EPHA6: variants seen among roughly 807,000 people sequenced by gnomAD.
EPHA6 encodes the protein EPH receptor A6.
EPHA6 carries 50 observed loss-of-function variants against 112.0 expected under a neutral mutation model. That is an observed-to-expected ratio of 0.45 (90% CI 0.36 to 0.56). The LOEUF (loss-of-function observed/expected upper bound fraction) is 0.56, where lower values mean the gene tolerates loss of function less well. Ranked by LOEUF, EPHA6 falls within the 20% of genes least tolerant of loss-of-function variation. The pLI, the probability that EPHA6 is intolerant of heterozygous loss-of-function variation, is 0.00. For missense variants in EPHA6, 1,280 were observed against 1,417.4 expected (o/e 0.90, Z 1.56); for synonymous variants, 529 against 490.7 (o/e 1.08, Z -1.03).
intron 2 of EPHA6, among the ~76,000 whole-genome samples, chr3:96,929,709 C>T (rs764599906): frequency 9.9e-5 from 15 of 151,964 alleles, no homozygotes; most frequent in Non-Finnish European, 1.8e-4. Flanking sequence ...GTGTTGGGGT[C>T]GATCTTCTTG....
intron 3 of EPHA6, among the ~76,000 whole-genome samples, chr3:97,105,278 C>T (rs1449881951): frequency 2.0e-5 from 3 of 151,934 alleles, no homozygotes; most frequent in Admixed American, 6.6e-5. Context: ...TTGCTATAAA[C>T]GTCCCTCTTA....
At position 97,483,991 on chromosome 3, in the gene EPHA6, T is replaced by G. The variant is rs2091633699; in HGVS notation, c.2132T>G (p.Leu711Arg). 1 of 1,611,140 alleles carries G rather than the reference T, an allele frequency of 6.2e-7. No homozygotes were observed. The highest frequency in any genetic ancestry group is 2.2e-5 in the East Asian group (1 of 44,774). The change falls in exon 10 of 18, where the codon CTA becomes CGA. Residue 711 changes from leucine to arginine, a missense_variant. Coordinates refer to ENST00000389672, the MANE Select transcript of EPHA6 (RefSeq NM_001080448.3). ...CCAGATACATATGAAGACCCATCCC[T>G]AGCAGTCCATGAATTTGCAAAGGAG... ...IDPDTYEDPS[L>R]AVHEFAKEID...
At chr3:97,343,653 C>A (rs2083412479) in intron 5 of EPHA6, among the ~76,000 whole-genome samples, 1 of 152,122 alleles carries the variant, frequency 6.6e-6, no homozygotes, top group South Asian at 2.1e-4. Context: ...ACCAGAAAAA[C>A]TACCAGATGG....
chr3:97,243,973 A>C lies in EPHA6; in HGVS notation c.1292A>C (p.Asn431Thr). ...ACTRPPSAPR[N>T]VVFNINETAL... ...CTAGGGCCACCTTCAGCTCCTAGGA[A>C]TGTGGTTTTTAACATCAATGAAACA... Residue 431 changes from asparagine to threonine, a missense_variant, in exon 5 of 18, where the codon AAT becomes ACT. By Grantham distance (65) the Asn-to-Thr change is moderately conservative (BLOSUM62 0). Transcript: ENST00000389672. The C allele has an allele frequency of 6.2e-7, 1 of 1,609,906 alleles. No individual in the cohort carries two copies. The highest frequency in any genetic ancestry group is 1.3e-5 in the African/African-American group (1 of 74,890).
chr3:97,227,377 C>T (rs1468753129), intron 4 of EPHA6, among the ~76,000 whole-genome samples: 3 of 152,136 alleles, frequency 2.0e-5, no homozygotes, highest in Non-Finnish European at 2.9e-5. Flanking sequence ...TACACCCCCA[C>T]GCCCAGCTAA....
At position 97,138,298 on chromosome 3, in the gene EPHA6, G is replaced by A. The variant is rs115790395; in HGVS notation, c.1115-87966G>A. Among the ~76,000 whole-genome samples, 620 of 152,230 alleles carry A rather than the reference G, an allele frequency of 4.1e-3. 5 individuals carry two copies. Among genetic ancestry groups the A allele is most frequent in the African/African-American group, 0.014 (596 of 41,542 alleles). ...GCAACTGCAGCAAAGCACAGTTCTG[G>A]GAGCCCATCCCCCAAGGCTCTGCAT... On this transcript the variant is annotated intron_variant, in intron 3 of 17. Transcript: ENST00000389672.
chr3:97,755,100 T>C lies in EPHA6; in HGVS notation c.*6399T>C, dbSNP rs1369659654. On this transcript the variant is annotated 3_prime_UTR_variant, in exon 18 of 18. Transcript: ENST00000389672. ...AATCTCTACATCATTAAGAGAACTT[T>C]TGATTTGTTTCATTATAGAGAAAGT... 6.6e-6 allele frequency among the ~76,000 whole-genome samples: 1 copy of C among 152,234 alleles called. No homozygotes were observed. The highest frequency in any genetic ancestry group is 1.5e-5 in the Non-Finnish European group (1 of 68,042).
Position 97,752,488 on chromosome 3 carries a change from C to A in EPHA6, c.*3787C>A, listed in dbSNP as rs1576404492. 2 of 218,752 alleles carry A rather than the reference C, an allele frequency of 9.1e-6. No homozygotes were observed. Among genetic ancestry groups the A allele is most frequent in the East Asian group, 1.3e-4 (2 of 15,150 alleles). The allele number at this position is 218,752 out of a possible 1,614,324, so 13.6% of individuals were successfully genotyped here. Reference sequence around the variant, plus strand: ...CAGCCCTGTTTTTAATTCCCCCATCCTCTCTCTTTATTCCTTTCTCAGCTT... The same window carrying A: ...CAGCCCTGTTTTTAATTCCCCCATCATCTCTCTTTATTCCTTTCTCAGCTT... On this transcript the variant is annotated 3_prime_UTR_variant, in exon 18 of 18. Coordinates refer to ENST00000389672, the MANE Select transcript of EPHA6 (RefSeq NM_001080448.3).
intron 5 of EPHA6, among the ~76,000 whole-genome samples, chr3:97,350,656 GT>G (rs1646242843): frequency 6.6e-6 from 1 of 152,050 alleles, no homozygotes; most frequent in Admixed American, 6.5e-5. Context: ...GCCTAATCAA[GT>G]GGGACAGTGT....
chr3:97,086,584 T>C (rs2046907796), intron 3 of EPHA6, among the ~76,000 whole-genome samples: 2 of 152,098 alleles, frequency 1.3e-5, no homozygotes, highest in Non-Finnish European at 2.9e-5. Context: ...CAATGAAATA[T>C]AAATATAAAT....
intron 3 of EPHA6, among the ~76,000 whole-genome samples, chr3:97,000,213 T>A (rs954970017): frequency 1.3e-5 from 2 of 151,390 alleles, no homozygotes; most frequent in African/African-American, 2.4e-5. Flanking sequence ...TGTCACTTAT[T>A]TTAGAGTTTT....
intron 5 of EPHA6, among the ~76,000 whole-genome samples, chr3:97,359,915 T>C (rs2084283862): frequency 6.6e-6 from 1 of 152,220 alleles, no homozygotes; most frequent in African/African-American, 2.4e-5. Flanking sequence ...CTTTCTCTTT[T>C]GTGCTTTTCA....
At chr3:97,678,602 T>C (rs1267174674) in intron 14 of EPHA6, among the ~76,000 whole-genome samples, 4 of 152,190 alleles carry the variant, frequency 2.6e-5, no homozygotes, top group Non-Finnish European at 5.9e-5. Context: ...AAAGGTGATT[T>C]AATTATAACT....
rs188086432 is a variant in EPHA6 at position 97,372,779 on chromosome 3, C to T, written c.1607-32371C>T. Among the ~76,000 whole-genome samples the T allele has an allele frequency of 3.9e-5, 6 of 152,124 alleles. No individual in the cohort carries two copies. In the East Asian group the frequency reaches 1.2e-3, roughly 29 times the overall value. On this transcript the variant is annotated intron_variant, in intron 5 of 17. Transcript: ENST00000389672. ...CAATATATATTATGTTATTACATAT[C>T]ATATATAACATGCATTGTTTAAGTG...
intron 11 of EPHA6, among the ~76,000 whole-genome samples, chr3:97,570,276 A>G (rs2107218552): frequency 6.6e-6 from 1 of 152,290 alleles, no homozygotes; most frequent in Non-Finnish European, 1.5e-5. Context: ...GATGCTGGAA[A>G]TTGGAACAGG....
chr3:97,207,109 T>G (rs1391984552), intron 3 of EPHA6, among the ~76,000 whole-genome samples: 1 of 152,136 alleles, frequency 6.6e-6, no homozygotes, highest in Non-Finnish European at 1.5e-5. Flanking sequence ...AATATGGTAT[T>G]TCTTTGATAA....
chr3:96,935,082 T>C (rs918182517), intron 2 of EPHA6, among the ~76,000 whole-genome samples: 16 of 151,844 alleles, frequency 1.1e-4, no homozygotes, highest in African/African-American at 3.6e-4. Context: ...TAAGAGCATT[T>C]AGATTAATGG....
In EPHA6 at chr3:97,736,076, G is replaced by A. The variant is rs56083967; in HGVS notation, c.3086G>A (p.Arg1029Gln). 2.3e-5 allele frequency: 37 copies of A among 1,612,116 alleles called. No individual in the cohort carries two copies. The highest frequency in any genetic ancestry group is 3.1e-5 in the Non-Finnish European group (36 of 1,179,020). ...GTCAGCTTCCTTGACAAACTGATCCGAAATCCCAGTGCCCTTCACACCCTG... is the reference window on the plus strand; with the variant it reads ...GTCAGCTTCCTTGACAAACTGATCCAAAATCCCAGTGCCCTTCACACCCTG... ...DIVSFLDKLI[R>Q]NPSALHTLVE... The change falls in exon 16 of 18, where the codon CGA becomes CAA. Residue 1029 changes from arginine to glutamine, a missense_variant. By Grantham distance (43) the Arg-to-Gln change is conservative. Around this residue, in one of 4 missense-constraint regions of EPHA6, gnomAD observed 145 missense variants for 153.3 expected, o/e 0.95. Coordinates refer to ENST00000389672, the MANE Select transcript of EPHA6 (RefSeq NM_001080448.3).
chr3:97,613,175 C>T (rs1480256301), intron 13 of EPHA6, among the ~76,000 whole-genome samples: 1 of 152,024 alleles, frequency 6.6e-6, no homozygotes, highest in Non-Finnish European at 1.5e-5. Context: ...GCTCAAAGTG[C>T]TTTATAAACT....
Sources: allele counts gnomAD v4.1 joint callset (sites outside exome capture counted in the v4.1 genomes callset), GRCh38; gene constraint gnomAD v4.1.1; regional missense constraint gnomAD v4.1.1; transcripts MANE v1.5; gene names NCBI Gene and HGNC (gene_info 2026-07-23, HGNC 2026-07-21).